The following CAST variants were observed in gnomAD, a reference collection of about 807,000 sequenced individuals.
The protein encoded by CAST is MIR583 host.
In CAST, 76 loss-of-function variants were observed where a neutral mutation model predicts 119.6. The observed-to-expected ratio is 0.64, with a 90% CI of 0.53 to 0.77. The LOEUF (loss-of-function observed/expected upper bound fraction) is 0.77, where lower values mean the gene tolerates loss of function less well. Ranked by LOEUF, CAST falls within the 30% of genes least tolerant of loss-of-function variation. CAST has a pLI of 0.00. For missense variants in CAST, 953 were observed against 946.5 expected, an observed-to-expected ratio of 1.01 and a Z score of -0.09; for synonymous variants, 319 against 331.6, an observed-to-expected ratio of 0.96 and a Z score of 0.41.
At chr5:96,328,373 TTCTCTCTCCCTC>T in the CAST span, among the ~76,000 whole-genome samples, 14,273 of 93,638 alleles carry the variant, frequency 0.15, 2,045 homozygotes, top group Middle Eastern at 0.24. Flanking sequence ...CTGTCTTTCC[TTCTCTCTCCCTC>T]TCTCTCTCTC....
chr5:96,343,261 C>T, the CAST span, among the ~76,000 whole-genome samples: 5 of 152,042 alleles, frequency 3.3e-5, no homozygotes, highest in South Asian at 1.0e-3. Context: ...TTGCAATTTT[C>T]CAAATGGATC....
the CAST span, among the ~76,000 whole-genome samples, chr5:96,359,514 G>C: frequency 2.0e-5 from 3 of 152,080 alleles, no homozygotes; most frequent in Non-Finnish European, 4.4e-5. Flanking sequence ...AGGAGCTCTT[G>C]TAAGGCAGGC....
the CAST span, among the ~76,000 whole-genome samples, chr5:96,078,698 A>G: frequency 6.6e-6 from 1 of 152,234 alleles, no homozygotes; most frequent in South Asian, 2.1e-4. Context: ...CTTAATGTCA[A>G]GTTAAATCAA....
the CAST span, among the ~76,000 whole-genome samples, chr5:96,372,289 CTG>C: frequency 1.3e-5 from 2 of 152,208 alleles, no homozygotes; most frequent in Non-Finnish European, 2.9e-5. Context: ...CCTGAGAACT[CTG>C]TTCTTCAGTC....
chr5:96,676,541 T>C (rs1750734484), intron 2 of CAST, among the ~76,000 whole-genome samples: 1 of 152,222 alleles, frequency 6.6e-6, no homozygotes, highest in South Asian at 2.1e-4. Context: ...TTTCTACCAT[T>C]GTTTTCATCA....
At chr5:96,772,590 A>G (rs1315080425) in intron 31 of CAST, 50 bp from the exon 32 acceptor site, 1 of 152,758 alleles carries the variant, frequency 6.5e-6, no homozygotes, top group African/African-American at 2.4e-5. Flanking sequence ...CTGTAACAAG[A>G]AAATTACATA....
At chr5:96,261,596 G>A in the CAST span, among the ~76,000 whole-genome samples, 11 of 152,272 alleles carry the variant, frequency 7.2e-5, no homozygotes, top group Admixed American at 2.0e-4. Context: ...GGCCTTCCTG[G>A]AACAGCAGTT....
the CAST span, among the ~76,000 whole-genome samples, chr5:96,357,786 A>G: frequency 6.6e-6 from 1 of 152,106 alleles, no homozygotes; most frequent in Non-Finnish European, 1.5e-5. Flanking sequence ...TTGGCCTAAA[A>G]TTCTCTTTTT....
intron 1 of CAST, among the ~76,000 whole-genome samples, chr5:96,535,674 C>T (rs1241776528): frequency 1.3e-5 from 2 of 149,318 alleles, no homozygotes; most frequent in Non-Finnish European, 3.0e-5. Flanking sequence ...CCTGGGTTAA[C>T]GCCATTCTCC....
At chr5:96,566,618 G>A (rs374573917) in intron 1 of CAST, among the ~76,000 whole-genome samples, 1 of 152,180 alleles carries the variant, frequency 6.6e-6, no homozygotes, top group African/African-American at 2.4e-5. Context: ...AGAGCACTGA[G>A]CTAGGCACTA....
chr5:96,189,660 T>C, the CAST span, among the ~76,000 whole-genome samples: 1 of 152,208 alleles, frequency 6.6e-6, no homozygotes, highest in East Asian at 1.9e-4. Flanking sequence ...ATTCTTATCT[T>C]CTCTGTCATC....
At chr5:96,624,308 G>A (rs1167306564) in intron 1 of CAST, among the ~76,000 whole-genome samples, 4 of 152,220 alleles carry the variant, frequency 2.6e-5, no homozygotes, top group Non-Finnish European at 5.9e-5. Context: ...AACACGCTAA[G>A]CACATGGCAT....
intron 1 of CAST, among the ~76,000 whole-genome samples, chr5:96,594,722 T>G (rs749029997): frequency 6.6e-6 from 1 of 152,226 alleles, no homozygotes; most frequent in Non-Finnish European, 1.5e-5. Flanking sequence ...CAGTAAATCC[T>G]ACAAATGATA....
chr5:96,103,356 C>A, the CAST span, among the ~76,000 whole-genome samples: 8 of 122,030 alleles, frequency 6.6e-5, no homozygotes, highest in South Asian at 6.6e-4. Context: ...CCCCTCCCCC[C>A]ACCCCACAAC....
chr5:96,260,130 A>G, the CAST span, among the ~76,000 whole-genome samples: 1 of 152,154 alleles, frequency 6.6e-6, no homozygotes, highest in Admixed American at 6.5e-5. Context: ...ATCCTGATTT[A>G]TTAGTGTGAA....
At chr5:96,555,564 C>T (rs1389789535) in intron 1 of CAST, among the ~76,000 whole-genome samples, 1 of 152,192 alleles carries the variant, frequency 6.6e-6, no homozygotes, top group African/African-American at 2.4e-5. Flanking sequence ...GCAAACGGCA[C>T]ACCAGGACAT....
At chr5:96,040,896 A>G in the CAST span, among the ~76,000 whole-genome samples, 31 of 152,318 alleles carry the variant, frequency 2.0e-4, no homozygotes, top group Admixed American at 3.9e-4. Context: ...AAAATGAGTT[A>G]GGCAGGATTC....
At chr5:96,364,349 A>T in the CAST span, among the ~76,000 whole-genome samples, 1 of 152,140 alleles carries the variant, frequency 6.6e-6, no homozygotes, top group African/African-American at 2.4e-5. Flanking sequence ...GGCCTCATAA[A>T]ATGAGTTAGG....
chr5:96,003,268 G>A, the CAST span, among the ~76,000 whole-genome samples: 52 of 150,712 alleles, frequency 3.5e-4, no homozygotes, highest in Non-Finnish European at 6.5e-4. Flanking sequence ...GACCAGGTGC[G>A]GTGGCTCATG....
Sources: gnomAD v4.1 joint callset for allele counts (sites outside exome capture counted in the v4.1 genomes callset) on GRCh38, gnomAD v4.1.1 for gene constraint, MANE v1.5 for transcripts, NCBI Gene and HGNC (gene_info 2026-07-23, HGNC 2026-07-21) for gene names.